ERO1A: variants seen among roughly 807,000 people sequenced by gnomAD.
ERO1A encodes the protein endoplasmic reticulum oxidoreductase 1 alpha.
ERO1A carries 49 observed loss-of-function variants against 76.9 expected under a neutral mutation model. The observed-to-expected ratio is 0.64, with a 90% CI of 0.51 to 0.81. The LOEUF (loss-of-function observed/expected upper bound fraction) is 0.81, where lower values mean the gene tolerates loss of function less well. Among genes scored for constraint, ERO1A ranks in the 30% least tolerant of loss-of-function variants. The probability of loss-of-function intolerance (pLI) is 0.00; values close to 1 mark genes in which losing one functional copy is unlikely to be tolerated. For synonymous variants in ERO1A, 174 were observed against 181.2 expected (o/e 0.96, Z 0.32); for missense variants, 448 against 542.1 (o/e 0.83, Z 1.72).
intron 6 of ERO1A, among the ~76,000 whole-genome samples, chr14:52,670,758 T>C (rs1295907451): frequency 1.3e-5 from 2 of 152,218 alleles, no homozygotes; most frequent in Non-Finnish European, 2.9e-5. Flanking sequence ...AAAATGTATA[T>C]ACAAAATTAT....
rs574958980 is a variant in ERO1A at position 52,654,107 on chromosome 14, G to C, written c.809-792C>G. Among the ~76,000 whole-genome samples, 6 of 152,164 alleles carry C rather than the reference G, an allele frequency of 3.9e-5. No homozygotes were observed. In the East Asian group the frequency reaches 1.2e-3, roughly 29 times the overall value. On this transcript the variant is annotated intron_variant, in intron 11 of 15. Transcript: ENST00000395686. ...AATGCTGAAAGCAAATCTATACTCT[G>C]CTTTTTATTAAATTCATTACTGTAA...
At chr14:52,651,540 C>T (rs1464343602) in intron 13 of ERO1A, among the ~76,000 whole-genome samples, 2 of 149,532 alleles carry the variant, frequency 1.3e-5, no homozygotes, top group Non-Finnish European at 3.0e-5. Flanking sequence ...GCAAAATAGA[C>T]TTTAAGTGGC....
Position 52,640,272 on chromosome 14 carries a change from C to T in ERO1A, c.*3298G>A, listed in dbSNP as rs1458452900. ...ACGAAAGTGGAAGTTAGATGACTCT[C>T]CTTGAGTGGAGCAAAGGAGGTTTCA... On this transcript the variant is annotated 3_prime_UTR_variant, in exon 16 of 16. Coordinates refer to ENST00000395686, the MANE Select transcript of ERO1A (RefSeq NM_014584.3). 6.6e-6 allele frequency: 1 copy of T among 152,190 alleles called. No individual in the cohort carries two copies. Among genetic ancestry groups the T allele is most frequent in the East Asian group, 1.9e-4 (1 of 5,190 alleles). 9.4% of individuals were successfully genotyped at this position (152,190 alleles called of 1,614,324 possible).
intron 6 of ERO1A, among the ~76,000 whole-genome samples, chr14:52,668,623 A>G (rs1418407061): frequency 6.6e-6 from 1 of 151,818 alleles, no homozygotes. Context: ...TGAGAAAACT[A>G]ACCACCAAGA....
At chr14:52,690,918 C>T (rs909427135) in intron 1 of ERO1A, among the ~76,000 whole-genome samples, 1 of 152,190 alleles carries the variant, frequency 6.6e-6, no homozygotes, top group Non-Finnish European at 1.5e-5. Context: ...CAGGCATGTG[C>T]CACCACGCCC....
At chr14:52,658,263 T>C in intron 9 of ERO1A, 113 bp from the exon 10 acceptor site, 1 of 727,740 alleles carries the variant, frequency 1.4e-6, no homozygotes, top group South Asian at 1.8e-5. Context: ...GTAAAGATTA[T>C]TTAACCTAAC....
intron 6 of ERO1A, 148 bp from the exon 7 acceptor site, chr14:52,666,643 G>T (rs1008549481): frequency 2.4e-5 from 18 of 757,416 alleles, no homozygotes; most frequent in Non-Finnish European, 3.4e-5. Flanking sequence ...AGAAACAAAG[G>T]AAGGAGGCCG....
At chr14:52,694,025 AAAAAAG>A (rs1444404023) in intron 1 of ERO1A, among the ~76,000 whole-genome samples, 2 of 152,242 alleles carry the variant, frequency 1.3e-5, no homozygotes, top group African/African-American at 4.8e-5. Context: ...ATTAAGGAAA[AAAAAAG>A]TAAAAGTTGA....
At chr14:52,681,729 C>T (rs568934176) in intron 3 of ERO1A, among the ~76,000 whole-genome samples, 24 of 152,034 alleles carry the variant, frequency 1.6e-4, no homozygotes, top group Non-Finnish European at 2.4e-4. Context: ...TTTTAATGCT[C>T]CAAAAATTCC....
chr14:52,646,115 A>AT, intron 15 of ERO1A, 39 bp downstream of exon 15: 1 of 1,579,990 alleles, frequency 6.3e-7, no homozygotes, highest in Non-Finnish European at 8.6e-7. Flanking sequence ...CATTAGACTT[A>AT]CTTGGCTACC....
At chr14:52,682,667 G>C (rs147967372) in intron 2 of ERO1A, among the ~76,000 whole-genome samples, 1 of 151,990 alleles carries the variant, frequency 6.6e-6, no homozygotes, top group African/African-American at 2.4e-5. Flanking sequence ...GGGAGGCCGA[G>C]GGGGGCGGAT....
intron 9 of ERO1A, 190 bp from the exon 10 acceptor site, chr14:52,658,340 C>A (rs1594823115): frequency 1.9e-6 from 1 of 538,778 alleles, no homozygotes; most frequent in East Asian, 3.2e-5. Flanking sequence ...TAAGTACCAG[C>A]CTGCTGCTTG....
In ERO1A at chr14:52,640,985, A is replaced by AAGAG. The variant is rs2039450847; in HGVS notation, c.*2581_*2584dup. The AAGAG allele has an allele frequency of 6.6e-6, 1 of 152,068 alleles. No individual in the cohort carries two copies. The highest frequency in any genetic ancestry group is 1.5e-5 in the Non-Finnish European group (1 of 68,040). 9.4% of individuals were successfully genotyped at this position (152,068 alleles called of 1,614,324 possible). A position where few individuals can be genotyped will look rare whatever the true frequency, so the allele number is the denominator to read the frequency against. ...AAGCGTGAGAAGTGGTGTTGTGATT[A>AAGAG]AGAGAGAAAAAAAAAATGGAGGTCT... On this transcript the variant is annotated 3_prime_UTR_variant, in exon 16 of 16. Transcript: ENST00000395686.
Position 52,655,130 on chromosome 14 carries a change from G to C in ERO1A, c.809-1815C>G, listed in dbSNP as rs539796222. 3.9e-5 allele frequency among the ~76,000 whole-genome samples: 6 copies of C among 152,296 alleles called. No individual in the cohort carries two copies. In the South Asian group the frequency reaches 1.2e-3, roughly 32 times the overall value. On this transcript the variant is annotated intron_variant, in intron 11 of 15. Coordinates refer to ENST00000395686, the MANE Select transcript of ERO1A (RefSeq NM_014584.3). The stretch of plus-strand genomic sequence containing the variant: ...AACTGTAATCCCAGCACTTTGGGAG[G>C]CCGAGGCAGGTGGATCACGAGGTCA...
At chr14:52,646,773 T>G in intron 13 of ERO1A, 1 of 224,864 alleles carries the variant, frequency 4.4e-6, no homozygotes. Context: ...AAACCAGGCC[T>G]GTCTGACTCC....
intron 4 of ERO1A, 62 bp from the exon 5 acceptor site, chr14:52,671,933 T>C: frequency 4.5e-6 from 5 of 1,113,888 alleles, no homozygotes; most frequent in Non-Finnish European, 6.6e-6. Flanking sequence ...TTGTTTAAAA[T>C]TTAGAAGTTA....
intron 11 of ERO1A, among the ~76,000 whole-genome samples, chr14:52,655,572 T>C (rs1333726512): frequency 6.6e-6 from 1 of 152,196 alleles, no homozygotes; most frequent in Non-Finnish European, 1.5e-5. Context: ...AAATGATCTC[T>C]GTGGATTTGA....
chr14:52,672,832 G>A (rs2139721012), intron 4 of ERO1A, among the ~76,000 whole-genome samples: 1 of 140,838 alleles, frequency 7.1e-6, no homozygotes, highest in African/African-American at 2.6e-5. Context: ...GTCAAACTTA[G>A]ATACTATGAA....
chr14:52,686,610 G>A (rs1023525683), intron 1 of ERO1A, among the ~76,000 whole-genome samples: 1 of 152,152 alleles, frequency 6.6e-6, no homozygotes, highest in Non-Finnish European at 1.5e-5. Flanking sequence ...GGGCACAGTG[G>A]CTCACGCCTG....
Sources: gnomAD v4.1 joint callset for allele counts (sites outside exome capture counted in the v4.1 genomes callset) on GRCh38, gnomAD v4.1.1 for gene constraint, MANE v1.5 for transcripts, NCBI Gene and HGNC (gene_info 2026-07-23, HGNC 2026-07-21) for gene names.